Variants in CEP83 observed in about 807,000 individuals in gnomAD.
The protein encoded by CEP83 is centrosomal protein of 83 kDa.
In CEP83, 70 loss-of-function variants were observed where a neutral mutation model predicts 101.9. That is an observed-to-expected ratio of 0.69 (90% CI 0.57 to 0.84). The LOEUF (loss-of-function observed/expected upper bound fraction) is 0.84. Ranked by LOEUF, CEP83 falls within the 40% of genes least tolerant of loss-of-function variation. The pLI is 0.00. For missense variants in CEP83, 715 were observed against 787.2 expected, an observed-to-expected ratio of 0.91 and a Z score of 1.10; for synonymous variants, 264 against 267.9, an observed-to-expected ratio of 0.99 and a Z score of 0.14.
chr12:94,278,080 G>A, the CEP83 span: 793 of 455,888 alleles, frequency 1.7e-3, 3 homozygotes, highest in African/African-American at 0.015. Flanking sequence ...GTCTCTGTAT[G>A]GGCGAGCATC....
intron 1 of CEP83, among the ~76,000 whole-genome samples, chr12:94,446,803 G>A (rs1172068577): frequency 6.6e-6 from 1 of 152,090 alleles, no homozygotes; most frequent in Non-Finnish European, 1.5e-5. Flanking sequence ...AGAGAAAGAG[G>A]CAGAAAAGAA....
the CEP83 span, chr12:94,276,974 G>C: frequency 6.6e-6 from 1 of 152,190 alleles, no homozygotes; most frequent in African/African-American, 2.4e-5. Context: ...TTAATCATTT[G>C]GTTGAGACCA....
chr12:94,341,749 T>C (rs778635347), intron 11 of CEP83, among the ~76,000 whole-genome samples: 2 of 152,226 alleles, frequency 1.3e-5, no homozygotes, highest in Non-Finnish European at 2.9e-5. Flanking sequence ...ATGAAAGCTG[T>C]TTTATATAGC....
the CEP83 span, among the ~76,000 whole-genome samples, chr12:94,274,015 C>T: frequency 4.6e-5 from 7 of 152,048 alleles, no homozygotes; most frequent in East Asian, 1.4e-3. Flanking sequence ...GCTACTCCCC[C>T]TTTTGTTTGG....
At chr12:94,275,689 TAA>T in the CEP83 span, among the ~76,000 whole-genome samples, 27 of 125,744 alleles carry the variant, frequency 2.1e-4, 2 homozygotes, top group Middle Eastern at 0.016. Flanking sequence ...CCGTCTCTAC[TAA>T]AAAAATACAA....
intron 2 of CEP83, among the ~76,000 whole-genome samples, chr12:94,434,446 C>T (rs1453457708): frequency 1.3e-5 from 2 of 152,126 alleles, no homozygotes; most frequent in East Asian, 1.9e-4. Context: ...ATATTTTTTA[C>T]AGCAGAGACG....
chr12:94,308,875 G>C lies in CEP83; in HGVS notation c.2044C>G (p.Leu682Val), dbSNP rs769223571. The change falls in exon 17 of 17, where the codon CTA (leucine) becomes GTA (valine). Residue 682 changes from leucine to valine, a missense_variant. Coordinates refer to ENST00000397809, the MANE Select transcript of CEP83 (RefSeq NM_016122.3). ...CTTTGTGTTGTTTCCAGTTCTTCTA[G>C]TCTTTTGCGAAGTAGAGAGAGTTCC... is the stretch of plus-strand genomic sequence containing the variant. ...QRELSLLRKR[L>V]EELETTQRKQ... is the part of the protein sequence containing the mutation. The C allele has an allele frequency of 6.2e-7, 1 of 1,612,684 alleles. No individual in the cohort carries two copies. The highest frequency in any genetic ancestry group is 2.2e-5 in the East Asian group (1 of 44,838).
intron 6 of CEP83, among the ~76,000 whole-genome samples, chr12:94,399,680 C>T (rs963632046): frequency 5.3e-5 from 8 of 152,110 alleles, no homozygotes; most frequent in African/African-American, 9.7e-5. Flanking sequence ...GTTATTATTG[C>T]GCCACTGCAT....
intron 2 of CEP83, chr12:94,424,917 T>C (rs888880310): frequency 8.9e-5 from 142 of 1,599,076 alleles, no homozygotes; most frequent in Non-Finnish European, 1.2e-4. Context: ...TTGTTGTTTC[T>C]ATTGTAGCCA....
downstream of CEP83, chr12:94,304,040 T>C (rs1321216604): frequency 1.9e-6 from 3 of 1,538,630 alleles, no homozygotes; most frequent in Non-Finnish European, 1.8e-6. Flanking sequence ...CATCGTAAAA[T>C]ATTTTGATGA....
At chr12:94,450,245 T>C (rs532027793) in intron 1 of CEP83, among the ~76,000 whole-genome samples, 1 of 152,288 alleles carries the variant, frequency 6.6e-6, no homozygotes, top group Admixed American at 6.5e-5. Flanking sequence ...ACAAACAATA[T>C]GCAAAAATTG....
chr12:94,342,225 C>T (rs917707906), intron 11 of CEP83, among the ~76,000 whole-genome samples: 1 of 152,188 alleles, frequency 6.6e-6, no homozygotes, highest in Admixed American at 6.5e-5. Context: ...TGTCTCAAAA[C>T]ATAGCCTACC....
intron 2 of CEP83, among the ~76,000 whole-genome samples, chr12:94,429,160 GAAAC>G (rs1192658622): frequency 6.6e-6 from 1 of 152,134 alleles, no homozygotes; most frequent in Non-Finnish European, 1.5e-5. Context: ...GAGGTGACAG[GAAAC>G]ACCTAAATCA....
At chr12:94,312,032 G>T (rs574510077) in intron 15 of CEP83, among the ~76,000 whole-genome samples, 1 of 151,936 alleles carries the variant, frequency 6.6e-6, no homozygotes, top group South Asian at 2.1e-4. Context: ...CTATGATCGT[G>T]CCACTGCACT....
At chr12:94,343,398 A>G (rs1429960080) in intron 11 of CEP83, among the ~76,000 whole-genome samples, 2 of 151,690 alleles carry the variant, frequency 1.3e-5, no homozygotes, top group Non-Finnish European at 2.9e-5. Context: ...ACAAAGAAAC[A>G]TCAGAGTGTT....
intron 2 of CEP83, among the ~76,000 whole-genome samples, chr12:94,416,999 G>T (rs1016821148): frequency 1.8e-4 from 27 of 151,996 alleles, no homozygotes; most frequent in Non-Finnish European, 1.2e-4. Context: ...AAAAACTAAG[G>T]TGTCAACAGA....
At chr12:94,427,036 A>G (rs2065255670) in intron 2 of CEP83, among the ~76,000 whole-genome samples, 1 of 152,268 alleles carries the variant, frequency 6.6e-6, no homozygotes, top group Non-Finnish European at 1.5e-5. Context: ...AGCAGCCACA[A>G]GTAACTAATA....
At chr12:94,292,506 C>T in the CEP83 span, among the ~76,000 whole-genome samples, 1 of 152,110 alleles carries the variant, frequency 6.6e-6, no homozygotes, top group East Asian at 1.9e-4. Flanking sequence ...TGTGATTTTA[C>T]AAGCTTTTGA....
At chr12:94,395,944 G>A (rs920437048) in intron 6 of CEP83, among the ~76,000 whole-genome samples, 25 of 152,168 alleles carry the variant, frequency 1.6e-4, no homozygotes, top group South Asian at 2.1e-4. Context: ...ACCAGTTTGC[G>A]AAGCATGATG....
Sources: allele counts gnomAD v4.1 joint callset (sites outside exome capture counted in the v4.1 genomes callset), GRCh38; gene constraint gnomAD v4.1.1; transcripts MANE v1.5; gene names NCBI Gene and HGNC (gene_info 2026-07-23, HGNC 2026-07-21).